Variants in OPRM1 observed in about 807,000 individuals in gnomAD.
OPRM1 encodes mu-type opioid receptor.
OPRM1 carries 27 observed loss-of-function variants against 31.8 expected under a neutral mutation model. The ratio of observed to expected loss-of-function variants is 0.85; its 90% CI spans 0.63 to 1.17. OPRM1 has a LOEUF of 1.17. OPRM1 is among the 50% of genes most tolerant of loss of function. OPRM1 has a pLI of 0.00. For synonymous variants in OPRM1, 196 were observed against 189.9 expected (o/e 1.03, Z -0.26); for missense variants, 536 against 511.1 (o/e 1.05, Z -0.47).
intron 3 of OPRM1, among the ~76,000 whole-genome samples, chr6:154,241,160 C>T (rs1298004255): frequency 1.3e-5 from 2 of 148,956 alleles, no homozygotes; most frequent in Non-Finnish European, 3.0e-5. Flanking sequence ...CGCTTGAACC[C>T]GGGAGGCGGA....
At chr6:154,159,695 G>A in intron 3 of OPRM1, 1 of 684,134 alleles carries the variant, frequency 1.5e-6, no homozygotes, top group South Asian at 1.7e-5. Flanking sequence ...CATCTAACGT[G>A]CATCTTTAGA....
At chr6:154,192,358 ATG>A (rs1022939800) in intron 3 of OPRM1, among the ~76,000 whole-genome samples, 1 of 91,556 alleles carries the variant, frequency 1.1e-5, no homozygotes, top group East Asian at 4.5e-4. Flanking sequence ...GTGTGTATGC[ATG>A]TGTGTGTATT....
At chr6:154,169,890 C>G (rs6916360) in intron 3 of OPRM1, among the ~76,000 whole-genome samples, 12,638 of 152,206 alleles carry the variant, frequency 0.083, 738 homozygotes, top group African/African-American at 0.16. Flanking sequence ...AGTAATCTCT[C>G]TTTTTTCTTA....
At chr6:154,037,425 C>CT (rs1028920753), upstream of OPRM1, among the ~76,000 whole-genome samples, 23 of 149,778 alleles carry the variant, frequency 1.5e-4, no homozygotes, top group African/African-American at 5.1e-4. Flanking sequence ...GGCTTAGTTT[C>CT]TTTTTTTGTT....
chr6:154,136,793 G>A (rs1190580930), downstream of OPRM1, among the ~76,000 whole-genome samples: 1 of 152,166 alleles, frequency 6.6e-6, no homozygotes, highest in African/African-American at 2.4e-5. Flanking sequence ...TTGAAGGGAT[G>A]CCAACATGTG....
rs192516541 is a variant in OPRM1 at position 154,086,637 on chromosome 6, A to G, written c.291-3189A>G. ...TTTTTTTTAATTAAAATAAACATAC[A>G]TTGGAAATACTTAGTGCTAAAATAA... On this transcript the variant is annotated intron_variant, in intron 1 of 3. Coordinates refer to ENST00000330432, the MANE Select transcript of OPRM1 (RefSeq NM_000914.5). 1.0e-4 allele frequency: 101 copies of G among 983,982 alleles called. No individual in the cohort carries two copies. In the African/African-American group the frequency reaches 1.5e-3, roughly 15 times the overall value. The allele number at this position is 983,982 out of a possible 1,614,324, so 61.0% of individuals were successfully genotyped here.
chr6:154,190,575 A>G (rs1256235745), intron 3 of OPRM1, among the ~76,000 whole-genome samples: 1 of 152,246 alleles, frequency 6.6e-6, no homozygotes, highest in Non-Finnish European at 1.5e-5. Flanking sequence ...GCAAAATGGT[A>G]CAGCCACTTT....
At chr6:154,110,654 C>T (rs151139735) in intron 3 of OPRM1, among the ~76,000 whole-genome samples, 2 of 151,992 alleles carry the variant, frequency 1.3e-5, no homozygotes, top group Admixed American at 6.5e-5. Flanking sequence ...TTTGGGAGAC[C>T]GAAGTGGGTG....
At chr6:154,192,497 G>A (rs543141842) in intron 3 of OPRM1, among the ~76,000 whole-genome samples, 1 of 152,128 alleles carries the variant, frequency 6.6e-6, no homozygotes, top group Admixed American at 6.5e-5. Flanking sequence ...AAAAGAAATG[G>A]AAAACCAAAC....
intron 3 of OPRM1, chr6:154,110,297 T>C: frequency 1.1e-6 from 1 of 888,000 alleles, no homozygotes; most frequent in Non-Finnish European, 1.8e-6. Flanking sequence ...TATACATTGC[T>C]AAGAATAAGC....
At chr6:154,220,571 T>C (rs1051972413) in intron 3 of OPRM1, among the ~76,000 whole-genome samples, 4 of 152,098 alleles carry the variant, frequency 2.6e-5, no homozygotes, top group Non-Finnish European at 5.9e-5. Flanking sequence ...GAACTCAGGA[T>C]GCAGAGGTTG....
intron 3 of OPRM1, among the ~76,000 whole-genome samples, chr6:154,100,040 A>ATGAC (rs1794395591): frequency 9.4e-6 from 1 of 106,860 alleles, no homozygotes; most frequent in Non-Finnish European, 1.9e-5. Flanking sequence ...ATATTATCAT[A>ATGAC]TGATATATAT....
At chr6:154,223,617 G>A (rs1779033892) in intron 3 of OPRM1, among the ~76,000 whole-genome samples, 1 of 152,184 alleles carries the variant, frequency 6.6e-6, no homozygotes. Context: ...TACGACTCTA[G>A]TCAGCTAGCA....
At chr6:154,034,586 G>A (rs941437302), upstream of OPRM1, among the ~76,000 whole-genome samples, 11 of 151,938 alleles carry the variant, frequency 7.2e-5, no homozygotes, top group African/African-American at 2.4e-4. Context: ...TAATGATAAA[G>A]AAATGTTTTT....
At chr6:154,086,911 T>C (rs749192447) in intron 1 of OPRM1, 113 of 984,268 alleles carry the variant, frequency 1.1e-4, no homozygotes, top group Non-Finnish European at 1.4e-4. Context: ...TTTCAACTTC[T>C]TGAGCACCAA....
At chr6:154,107,662 G>A in intron 3 of OPRM1, 1 of 718,506 alleles carries the variant, frequency 1.4e-6, no homozygotes, top group Admixed American at 2.0e-5. Context: ...CTTGAAGGTG[G>A]AGACCAAGAG....
rs1798276635 is a variant in OPRM1 at position 154,143,574 on chromosome 6, T to C, written c.1164+52102T>C. On this transcript the variant is annotated intron_variant, in intron 3 of 3. Coordinates refer to the OPRM1 transcript ENST00000337049. ...ACTGGGAAAGGAGTTTGGAGACAGA[T>C]AGATGCTATGGTTTGAATGTTTGTC... Among the ~76,000 whole-genome samples, 2 of 152,222 alleles carry C rather than the reference T, an allele frequency of 1.3e-5. 1 individual carries two copies. Among genetic ancestry groups the C allele is most frequent in the South Asian group, 4.1e-4 (2 of 4,834 alleles).
intron 1 of OPRM1, among the ~76,000 whole-genome samples, chr6:154,068,354 A>G (rs990109887): frequency 5.9e-5 from 9 of 152,138 alleles, no homozygotes; most frequent in African/African-American, 2.2e-4. Context: ...TTTGATCTAT[A>G]TAACCTCAAC....
chr6:154,135,484 G>GATAGATATAGATATAGATAGATATAGAT (rs1798034862), downstream of OPRM1, among the ~76,000 whole-genome samples: 2 of 144,366 alleles, frequency 1.4e-5, no homozygotes, highest in Non-Finnish European at 3.0e-5. Context: ...AAAATATATA[G>GATAGATATAGATATAGATAGATATAGAT]ATAGATATAG....
Sources: allele counts gnomAD v4.1 joint callset (sites outside exome capture counted in the v4.1 genomes callset), GRCh38; gene constraint gnomAD v4.1.1; transcripts MANE v1.5; gene names NCBI Gene and HGNC (gene_info 2026-07-23, HGNC 2026-07-21).